Variants in SRPK2 observed in about 807,000 individuals in gnomAD.
The protein encoded by SRPK2 is SFRS protein kinase 2.
SRPK2 carries 21 observed loss-of-function variants against 90.8 expected under a neutral mutation model. That is an observed-to-expected ratio of 0.23 (90% CI 0.16 to 0.33). The LOEUF is 0.33. Among genes scored for constraint, SRPK2 ranks in the 10% least tolerant of loss-of-function variants. The pLI is 1.00. For synonymous variants in SRPK2, 288 were observed against 311.1 expected (o/e 0.93, Z 0.78); for missense variants, 620 against 869.0 (o/e 0.71, Z 3.60).
At chr7:105,287,049 C>G (rs1323825432) in intron 2 of SRPK2, among the ~76,000 whole-genome samples, 3 of 151,066 alleles carry the variant, frequency 2.0e-5, no homozygotes, top group East Asian at 3.9e-4. Context: ...ATCACGAGGT[C>G]AGGAGATCGA....
chr7:105,389,045 C>G (rs1384609265), upstream of SRPK2: 5 of 969,346 alleles, frequency 5.2e-6, no homozygotes, highest in African/African-American at 9.0e-5. Flanking sequence ...GCGCGCCCAG[C>G]GCCCCGCGCC....
At position 105,160,509 on chromosome 7, in the gene SRPK2, G is replaced by C; in HGVS notation, c.619C>G (p.Gln207Glu). The change falls in exon 7 of 16, where the codon CAG becomes GAG. Residue 207 changes from glutamine (Q) to glutamate (E), a missense_variant and splice_region_variant. This residue lies in a region of SRPK2 where 196 missense variants were observed against 339.2 expected (regional missense o/e 0.58). Coordinates refer to ENST00000393651, the MANE Select transcript of SRPK2 (RefSeq NM_182692.3). ...PVRCVKSIIR[Q>E]VLQGLDYLHS... ...GGGGCTGCCGTCAAAAGTCTCACCT[G>C]TCGAATGATACTCTTCACACAACGT... 1 of 1,606,442 alleles carries C rather than the reference G, an allele frequency of 6.2e-7. No individual in the cohort carries two copies. The highest frequency in any genetic ancestry group is 8.5e-7 in the Non-Finnish European group (1 of 1,173,110).
At chr7:105,272,509 C>A (rs1805954758) in intron 2 of SRPK2, among the ~76,000 whole-genome samples, 1 of 151,748 alleles carries the variant, frequency 6.6e-6, no homozygotes, top group Non-Finnish European at 1.5e-5. Flanking sequence ...GTTTTTGTGG[C>A]TTTTTTTTAA....
chr7:105,317,024 A>AG (rs1461518279), intron 2 of SRPK2, among the ~76,000 whole-genome samples: 1 of 152,086 alleles, frequency 6.6e-6, no homozygotes, highest in Non-Finnish European at 1.5e-5. Flanking sequence ...TTTTTTCCTG[A>AG]GGGGAAGAAG....
chr7:105,392,533 G>C (rs556143531), upstream of SRPK2, among the ~76,000 whole-genome samples: 3 of 152,246 alleles, frequency 2.0e-5, no homozygotes, highest in South Asian at 6.2e-4. Context: ...TCATTTTTGA[G>C]ATGGGCATCT....
chr7:105,324,158 G>C (rs1370446983), intron 2 of SRPK2, among the ~76,000 whole-genome samples: 1 of 151,372 alleles, frequency 6.6e-6, no homozygotes, highest in Non-Finnish European at 1.5e-5. Context: ...CACCATGCCC[G>C]GGTAATTATA....
At chr7:105,142,525 T>C (rs1452100822) in intron 10 of SRPK2, 35 bp from the exon 11 acceptor site, 1 of 1,568,514 alleles carries the variant, frequency 6.4e-7, no homozygotes, top group Admixed American at 1.9e-5. Flanking sequence ...TTAGAACTTG[T>C]TACTCTCCTT....
chr7:105,260,113 G>A (rs554653174), intron 2 of SRPK2, among the ~76,000 whole-genome samples: 85 of 152,152 alleles, frequency 5.6e-4, no homozygotes, highest in South Asian at 3.9e-3. Flanking sequence ...TACAGAATGG[G>A]AGAAAATTTT....
chr7:105,236,935 T>C (rs1216725258), intron 2 of SRPK2, among the ~76,000 whole-genome samples: 1 of 152,248 alleles, frequency 6.6e-6, no homozygotes, highest in Non-Finnish European at 1.5e-5. Flanking sequence ...TGCTGAGAGA[T>C]GCAGAATGTG....
intron 2 of SRPK2, among the ~76,000 whole-genome samples, chr7:105,375,225 C>A (rs755701256): frequency 6.6e-6 from 1 of 152,146 alleles, no homozygotes; most frequent in Non-Finnish European, 1.5e-5. Flanking sequence ...AAGTAAACTA[C>A]AAATTCAATA....
At chr7:105,115,329 A>AAGTT (rs1207319728), downstream of SRPK2, 2 of 152,228 alleles carry the variant, frequency 1.3e-5, no homozygotes, top group South Asian at 4.1e-4. Context: ...GGGAAGAAGC[A>AAGTT]AGTTAGTAAA....
chr7:105,392,050 A>G (rs758815549), upstream of SRPK2, among the ~76,000 whole-genome samples: 1 of 152,246 alleles, frequency 6.6e-6, no homozygotes, highest in Non-Finnish European at 1.5e-5. Context: ...GACACATGCT[A>G]CAATGTGGAT....
intron 2 of SRPK2, among the ~76,000 whole-genome samples, chr7:105,364,268 A>C (rs867138164): frequency 1.7e-4 from 26 of 152,146 alleles, no homozygotes; most frequent in African/African-American, 6.0e-4. Context: ...ATTTGTTTCA[A>C]GCCTGATGGT....
upstream of SRPK2, among the ~76,000 whole-genome samples, chr7:105,391,576 G>A (rs561240059): frequency 6.6e-6 from 1 of 152,248 alleles, no homozygotes; most frequent in Admixed American, 6.5e-5. Flanking sequence ...TTTGGAGGCT[G>A]AGGCTGGAGG....
rs1163211566 is a variant in SRPK2, at chr7:105,176,614, C to CGT, written c.230-7351_230-7350dup. ...ATGTGTGTGTGTGTGTGTGTGTATACGTGTGTGTATATATATATATGCACA... is the reference window on the plus strand; with the variant it reads ...ATGTGTGTGTGTGTGTGTGTGTATACGTGTGTGTGTATATATATATATGCACA... On this transcript the variant is annotated intron_variant, in intron 3 of 15. Transcript: ENST00000393651. Among the ~76,000 whole-genome samples, 271 of 27,904 alleles carry CGT rather than the reference C, an allele frequency of 9.7e-3. 2 individuals carry two copies. Among genetic ancestry groups the CGT allele is most frequent in the African/African-American group, 0.025 (189 of 7,612 alleles). 18.3% of individuals were successfully genotyped at this position (27,904 alleles called of 152,430 possible). A position where few individuals can be genotyped will look rare whatever the true frequency, so the allele number is the denominator to read the frequency against.
At chr7:105,153,715 G>C (rs1806091924) in intron 7 of SRPK2, among the ~76,000 whole-genome samples, 1 of 152,298 alleles carries the variant, frequency 6.6e-6, no homozygotes, top group Non-Finnish European at 1.5e-5. Flanking sequence ...ACAGAGCAGG[G>C]AGACTCTGTC....
At chr7:105,120,481 TA>T (rs1278081558) in intron 15 of SRPK2, among the ~76,000 whole-genome samples, 1 of 152,188 alleles carries the variant, frequency 6.6e-6, no homozygotes, top group African/African-American at 2.4e-5. Flanking sequence ...AGGCATACTA[TA>T]AACTGGTAAA....
chr7:105,310,731 T>G (rs1422154400), intron 2 of SRPK2, among the ~76,000 whole-genome samples: 2 of 152,216 alleles, frequency 1.3e-5, no homozygotes, highest in African/African-American at 4.8e-5. Context: ...ACTACTGCTA[T>G]ATATTTATTT....
chr7:105,158,469 G>A (rs1806881635), intron 7 of SRPK2, among the ~76,000 whole-genome samples: 1 of 152,082 alleles, frequency 6.6e-6, no homozygotes, highest in African/African-American at 2.4e-5. Flanking sequence ...TGGCCAGGCT[G>A]GTCTCAATCT....
Sources: gnomAD v4.1 joint callset for allele counts (sites outside exome capture counted in the v4.1 genomes callset) on GRCh38, gnomAD v4.1.1 for gene constraint, gnomAD v4.1.1 regional missense constraint, MANE v1.5 for transcripts, NCBI Gene and HGNC (gene_info 2026-07-23, HGNC 2026-07-21) for gene names.